Variants in BOLL observed in about 807,000 individuals in gnomAD.
BOLL encodes the protein boule RNA binding protein.
BOLL carries 23 observed loss-of-function variants against 44.4 expected under a neutral mutation model. That is an observed-to-expected ratio of 0.52 (90% CI 0.37 to 0.73). The LOEUF (loss-of-function observed/expected upper bound fraction) is 0.73, where lower values mean the gene tolerates loss of function less well. Ranked by LOEUF, BOLL falls within the 30% of genes least tolerant of loss-of-function variation. BOLL has a pLI of 0.00. For synonymous variants in BOLL, 97 were observed against 110.8 expected (o/e 0.88, Z 0.78); for missense variants, 287 against 338.3 (o/e 0.85, Z 1.19).
chr2:197,751,324 C>CA (rs1688240784), intron 9 of BOLL, among the ~76,000 whole-genome samples: 1 of 150,598 alleles, frequency 6.6e-6, no homozygotes, highest in African/African-American at 2.4e-5. Context: ...GATAGAGACA[C>CA]GAAAAACCCT....
chr2:197,777,924 C>G (rs1189300801), intron 3 of BOLL, among the ~76,000 whole-genome samples: 1 of 151,864 alleles, frequency 6.6e-6, no homozygotes, highest in Non-Finnish European at 1.5e-5. Flanking sequence ...AGGAATTTCT[C>G]TTTATCTATT....
chr2:197,777,769 CAAAA>C (rs1165029268), intron 3 of BOLL, among the ~76,000 whole-genome samples: 2 of 151,512 alleles, frequency 1.3e-5, no homozygotes, highest in Non-Finnish European at 3.0e-5. Context: ...AAAAAAGTAA[CAAAA>C]GAAAGAAAAA....
intron 5 of BOLL, chr2:197,773,883 A>G (rs1689382665): frequency 3.2e-6 from 1 of 307,840 alleles, no homozygotes; most frequent in South Asian, 2.7e-5. Context: ...TCCAGGAATT[A>G]AGGTAAACAA....
At chr2:197,778,815 C>A (rs1689638316) in intron 3 of BOLL, among the ~76,000 whole-genome samples, 160 bp downstream of exon 3, 1 of 151,660 alleles carries the variant, frequency 6.6e-6, no homozygotes, top group Admixed American at 6.6e-5. Flanking sequence ...TACACACACA[C>A]ACACACACAC....
At position 197,744,277 on chromosome 2, in the gene BOLL, T is replaced by G. The variant is rs1160188933; in HGVS notation, c.730-1118A>C. On this transcript the variant is annotated intron_variant, in intron 9 of 10. Transcript: ENST00000392296. The stretch of plus-strand genomic sequence containing the variant: ...TCAGGAGTGAGACGGAGGCTAGATA[T>G]ATGGCTATGGATGATAACATCAGAG... Among the ~76,000 whole-genome samples, 4 of 152,176 alleles carry G rather than the reference T, an allele frequency of 2.6e-5. No individual in the cohort carries two copies. In the East Asian group the frequency reaches 7.7e-4, roughly 29 times the overall value.
intron 6 of BOLL, among the ~76,000 whole-genome samples, chr2:197,767,638 T>A (rs1454501775): frequency 6.6e-6 from 1 of 151,932 alleles, no homozygotes; most frequent in African/African-American, 2.4e-5. Flanking sequence ...ATAGGGAACA[T>A]CTGGCAATGT....
intron 10 of BOLL, among the ~76,000 whole-genome samples, chr2:197,734,559 C>G (rs1444633165): frequency 6.6e-6 from 1 of 152,082 alleles, no homozygotes; most frequent in Non-Finnish European, 1.5e-5. Context: ...GGAACCAACC[C>G]AAATGTCCAA....
At chr2:197,777,179 A>G (rs1406710726) in intron 3 of BOLL, 66 bp from the exon 4 acceptor site, 4 of 1,129,044 alleles carry the variant, frequency 3.5e-6, no homozygotes, top group Admixed American at 5.8e-5. Context: ...ATTATATTAA[A>G]ATGTTTAAAA....
chr2:197,772,108 C>A, intron 5 of BOLL, 126 bp from the exon 6 acceptor site: 1 of 755,664 alleles, frequency 1.3e-6, no homozygotes. Flanking sequence ...AATTGAATGT[C>A]ACAGATATTT....
intron 10 of BOLL, among the ~76,000 whole-genome samples, chr2:197,732,484 A>G (rs1258048697): frequency 6.6e-6 from 1 of 152,204 alleles, no homozygotes; most frequent in Non-Finnish European, 1.5e-5. Flanking sequence ...TTCTGATACC[A>G]AAGCCAGGAA....
chr2:197,777,107 AC>A lies in BOLL; in HGVS notation c.227del (p.Gly76ValfsTer28). On this transcript the variant is annotated frameshift_variant, in exon 4 of 11. Transcript: ENST00000392296. LOFTEE classifies it high-confidence loss of function. ...NDRAGVSKGY[G>X]FVTFETQEDA... ...CTTCTTGTGTTTCAAAAGTGACGAA[AC>A]CATACCTAAATAAATGCATTAATTA... 6.4e-7 allele frequency: 1 copy of A among 1,550,850 alleles called. No homozygotes were observed. Among genetic ancestry groups the A allele is most frequent in the Non-Finnish European group, 8.8e-7 (1 of 1,134,388 alleles).
At chr2:197,758,807 AAATAT>A in intron 7 of BOLL, 1 of 601,184 alleles carries the variant, frequency 1.7e-6, no homozygotes, top group Non-Finnish European at 2.7e-6. Flanking sequence ...AAATTATGTT[AAATAT>A]AATATAGCAA....
chr2:197,774,124 G>T, intron 5 of BOLL: 1 of 374,144 alleles, frequency 2.7e-6, no homozygotes, highest in South Asian at 2.1e-5. Flanking sequence ...ATAAGGGATG[G>T]ATGGTATACC....
At position 197,765,831 on chromosome 2, in the gene BOLL, C is replaced by T. The variant is rs750139285; in HGVS notation, c.552+701G>A. ...GTACCCAATAGTTATCTTTTCTGCT[C>T]TTCTCCCTCTTCCCACCCTCCACCC... On this transcript the variant is annotated intron_variant, in intron 7 of 10. Coordinates refer to ENST00000392296, the MANE Select transcript of BOLL (RefSeq NM_033030.6). 7.3e-4 allele frequency among the ~76,000 whole-genome samples: 111 copies of T among 152,070 alleles called. 1 individual carries two copies. The highest frequency in any genetic ancestry group is 3.4e-3 in the Middle Eastern group (1 of 292).
chr2:197,777,372 C>T (rs1055130670), intron 3 of BOLL, among the ~76,000 whole-genome samples: 1 of 151,722 alleles, frequency 6.6e-6, no homozygotes, highest in African/African-American at 2.4e-5. Flanking sequence ...GAAAGAAAAG[C>T]ACAAGAGATT....
At chr2:197,765,686 T>G (rs1312210026) in intron 7 of BOLL, among the ~76,000 whole-genome samples, 1 of 152,058 alleles carries the variant, frequency 6.6e-6, no homozygotes, top group Non-Finnish European at 1.5e-5. Flanking sequence ...TAACTAATCA[T>G]TTATTTTATT....
At chr2:197,783,218 G>C (rs1689886215) in intron 1 of BOLL, among the ~76,000 whole-genome samples, 1 of 152,146 alleles carries the variant, frequency 6.6e-6, no homozygotes, top group East Asian at 1.9e-4. Context: ...TGCTTGGGAG[G>C]CTGAGGCAGG....
chr2:197,784,239 A>G (rs993770726), intron 1 of BOLL, among the ~76,000 whole-genome samples: 1 of 151,444 alleles, frequency 6.6e-6, no homozygotes, highest in Non-Finnish European at 1.5e-5. Flanking sequence ...TGCTTTTTTC[A>G]TGGCAGCATC....
intron 8 of BOLL, 37 bp downstream of exon 8, chr2:197,757,316 A>T: frequency 6.4e-7 from 1 of 1,556,718 alleles, no homozygotes; most frequent in South Asian, 1.2e-5. Flanking sequence ...ATAATGAAAG[A>T]AGGATTTAAA....
Sources: gnomAD v4.1 joint callset for allele counts (sites outside exome capture counted in the v4.1 genomes callset) on GRCh38, gnomAD v4.1.1 for gene constraint, MANE v1.5 for transcripts, NCBI Gene and HGNC (gene_info 2026-07-23, HGNC 2026-07-21) for gene names.